Variants in LAMB1 observed in about 807,000 individuals in gnomAD.
LAMB1 encodes the protein laminin subunit beta 1, also known as laminin subunit beta-1.
In LAMB1, 121 loss-of-function variants were observed where a neutral mutation model predicts 222.3. The ratio of observed to expected loss-of-function variants is 0.54; its 90% CI spans 0.47 to 0.63. LAMB1 has a LOEUF of 0.63. LAMB1 is among the 30% of genes least tolerant of loss of function. LAMB1 has a pLI of 0.00. For synonymous variants in LAMB1, 794 were observed against 807.2 expected (o/e 0.98, Z 0.28); for missense variants, 2,172 against 2,240.8 (o/e 0.97, Z 0.62).
intron 10 of LAMB1, 82 bp from the exon 11 acceptor site, chr7:107,975,495 CCTCT>C: frequency 7.3e-7 from 1 of 1,377,240 alleles, no homozygotes; most frequent in Non-Finnish European, 9.7e-7. Context: ...TCCCTTCCTC[CCTCT>C]AAATCTCACA....
intron 32 of LAMB1, 92 bp downstream of exon 32, chr7:107,926,091 G>T (rs2032556835): frequency 2.2e-6 from 2 of 901,524 alleles, no homozygotes; most frequent in Non-Finnish European, 3.5e-6. Flanking sequence ...TTCTGTTTCT[G>T]TTAGGTCCAT....
chr7:107,972,725 A>T lies in LAMB1; in HGVS notation c.1562+267T>A, dbSNP rs570359886. The stretch of plus-strand genomic sequence containing the variant: ...TGTTGCTGGGGATGGGGGAAAAGGT[A>T]CTTTTGTAACTGATAGGAAAATAAA... On this transcript the variant is annotated intron_variant, in intron 13 of 33. Transcript: ENST00000222399. 1.3e-4 allele frequency among the ~76,000 whole-genome samples: 20 copies of T among 152,326 alleles called. No homozygotes were observed. The South Asian group carries it at 4.1e-3, about 32-fold the overall frequency.
At chr7:107,988,168 A>C (rs1347555907) in intron 5 of LAMB1, among the ~76,000 whole-genome samples, 3 of 152,232 alleles carry the variant, frequency 2.0e-5, no homozygotes, top group African/African-American at 7.2e-5. Flanking sequence ...GTGATCAATT[A>C]GATTGTAGTG....
rs2032823219 is a variant in LAMB1 at position 107,935,400 on chromosome 7, A to G, written c.4188+15T>C. 1.9e-6 allele frequency: 3 copies of G among 1,568,056 alleles called. No homozygotes were observed. The highest frequency in any genetic ancestry group is 3.7e-4 in the Middle Eastern group (2 of 5,396). ...CTTGGCACCATAGCAGTAAGGCCAC[A>G]TCCCCAAACCTTACCATTTCGGCAG... is the stretch of plus-strand genomic sequence containing the variant. On this transcript the variant is annotated intron_variant, in intron 27 of 33. Transcript: ENST00000222399.
chr7:107,930,771 AT>A (rs1393990939), intron 29 of LAMB1, among the ~76,000 whole-genome samples: 2 of 152,352 alleles, frequency 1.3e-5, no homozygotes, highest in East Asian at 3.9e-4. Context: ...CAAAGCTGAT[AT>A]GCTTAAGATG....
Position 107,986,030 on chromosome 7 carries a change from C to A in LAMB1, c.668G>T (p.Arg223Met), listed in dbSNP as rs2034070015. Reference protein sequence around the residue: ...AFKIEDPYSPRIQNLLKITNL... With the variant: ...AFKIEDPYSPMIQNLLKITNL... ...TTTGAAAATGAACTTACTCTGTATCCTTGGGCTATAAGGATCTTCTATTTT... is the reference window on the plus strand; with the variant it reads ...TTTGAAAATGAACTTACTCTGTATCATTGGGCTATAAGGATCTTCTATTTT... The change falls in exon 7 of 34, where the codon AGG becomes ATG. Residue 223 changes from arginine (R) to methionine (M), a missense_variant. Coordinates refer to ENST00000222399, the MANE Select transcript of LAMB1 (RefSeq NM_002291.3). The A allele has an allele frequency of 6.2e-7, 1 of 1,606,996 alleles. No homozygotes were observed. Among genetic ancestry groups the A allele is most frequent in the African/African-American group, 1.3e-5 (1 of 74,802 alleles).
Position 107,937,079 on chromosome 7 carries a change from CA to C in LAMB1, c.3946+13del. Reference sequence around the variant, plus strand: ...ATCCATTGTCTGGGACTATTTGCACCAAAAAATGCTCACCCCGAATATCTGA... The same window carrying C: ...ATCCATTGTCTGGGACTATTTGCACCAAAAATGCTCACCCCGAATATCTGA... On this transcript the variant is annotated intron_variant, in intron 26 of 33. Coordinates refer to ENST00000222399, the MANE Select transcript of LAMB1 (RefSeq NM_002291.3). 6.2e-7 allele frequency: 1 copy of C among 1,609,312 alleles called. No individual in the cohort carries two copies. Among genetic ancestry groups the C allele is most frequent in the East Asian group, 2.2e-5 (1 of 44,834 alleles).
chr7:107,951,471 C>T lies in LAMB1; in HGVS notation c.3295-149G>A, dbSNP rs2528649. On this transcript the variant is annotated intron_variant, in intron 23 of 33. Transcript: ENST00000222399. The stretch of plus-strand genomic sequence containing the variant: ...TAGGAAAAGGGACTCCCACTTCAAT[C>T]GTAGGTGTCGAGAGCCCCATGCCAG... 5,076 of 652,254 alleles carry T rather than the reference C, an allele frequency of 7.8e-3. 195 individuals are homozygous for T. The African/African-American group carries it at 0.079, about 10-fold the overall frequency. 40.4% of individuals were successfully genotyped at this position (652,254 alleles called of 1,614,324 possible). A position where few individuals can be genotyped will look rare whatever the true frequency, so the allele number is the denominator to read the frequency against.
chr7:108,001,908 A>T, intron 2 of LAMB1, 175 bp from the exon 3 acceptor site: 4 of 1,463,842 alleles, frequency 2.7e-6, no homozygotes, highest in Non-Finnish European at 3.6e-6. Context: ...CTGGGAAGGC[A>T]GGGACTCCGA....
intron 3 of LAMB1, 106 bp from the exon 4 acceptor site, chr7:107,998,598 T>G (rs1368743964): frequency 1.7e-5 from 15 of 907,506 alleles, no homozygotes; most frequent in Non-Finnish European, 2.3e-5. Flanking sequence ...ACCTATTAGC[T>G]TCAAGAAAAA....
At chr7:107,984,872 T>TA (rs143630923) in intron 7 of LAMB1, among the ~76,000 whole-genome samples, 2,243 of 152,088 alleles carry the variant, frequency 0.015, 53 homozygotes, top group African/African-American at 0.051. Context: ...ATAGTTATGC[T>TA]AAAAAAAAGA....
chr7:108,003,141 G>A lies in LAMB1; in HGVS notation c.-117C>T. The A allele has an allele frequency of 1.6e-6, 1 of 642,372 alleles. No individual in the cohort carries two copies. Among genetic ancestry groups the A allele is most frequent in the East Asian group, 3.1e-5 (1 of 31,762 alleles). 39.8% of individuals were successfully genotyped at this position (642,372 alleles called of 1,614,324 possible). A position where few individuals can be genotyped will look rare whatever the true frequency, so the allele number is the denominator to read the frequency against. The stretch of plus-strand genomic sequence containing the variant: ...GACGCGAGCTCTCGCCCTGCTCCGG[G>A]AGCCCCCGAGCCCAAAGAAGGGAAT... On this transcript the variant is annotated 5_prime_UTR_variant, in exon 1 of 34. Coordinates refer to ENST00000222399, the MANE Select transcript of LAMB1 (RefSeq NM_002291.3).
chr7:107,933,857 A>G (rs574931036), intron 27 of LAMB1, among the ~76,000 whole-genome samples: 1 of 152,218 alleles, frequency 6.6e-6, no homozygotes, highest in East Asian at 1.9e-4. Context: ...GGCCAGAGGA[A>G]CCCCGAACCC....
chr7:107,935,227 A>G (rs553497552), intron 27 of LAMB1, 188 bp downstream of exon 27: 1 of 773,758 alleles, frequency 1.3e-6, no homozygotes, highest in East Asian at 2.6e-5. Context: ...GCTGCTTTTA[A>G]TCTGTCTTGG....
In LAMB1 at chr7:107,961,616, T is replaced by TG; in HGVS notation, c.1917dup (p.Ser640GlnfsTer6). The TG allele has an allele frequency of 6.2e-7, 1 of 1,614,180 alleles. No homozygotes were observed. Among genetic ancestry groups the TG allele is most frequent in the Non-Finnish European group, 8.5e-7 (1 of 1,180,008 alleles). ...GGGATGGTATTACCACATCGGCTGC[T>TG]GGTTGGAATCCTTCCAGGTCGCTGC... On this transcript the variant is annotated frameshift_variant, in exon 16 of 34. Coordinates refer to ENST00000222399, the MANE Select transcript of LAMB1 (RefSeq NM_002291.3). LOFTEE classifies it high-confidence loss of function.
In LAMB1 at chr7:107,955,551, C is replaced by T. The variant is rs377141998; in HGVS notation, c.2770G>A (p.Asp924Asn). The change falls in exon 21 of 34, where the codon GAC (aspartate) becomes AAC (asparagine). Residue 924 changes from aspartate to asparagine, a missense_variant. Physicochemically the swap from Asp to Asn is conservative, Grantham distance 23 (BLOSUM62 1). Coordinates refer to ENST00000222399, the MANE Select transcript of LAMB1 (RefSeq NM_002291.3). ...CRPCPCPDGP[D>N]SGRQFARSCY... Reference sequence around the variant, plus strand: ...CTCCTGGCAAACTGGCGTCCACTGTCGGGACCATCTGGGCAAGGGCAAGGG... The same window carrying T: ...CTCCTGGCAAACTGGCGTCCACTGTTGGGACCATCTGGGCAAGGGCAAGGG... 5.6e-6 allele frequency: 9 copies of T among 1,614,062 alleles called. No homozygotes were observed. The highest frequency in any genetic ancestry group is 1.6e-4 in the Middle Eastern group (1 of 6,062).
chr7:107,998,762 CA>C (rs1184457886), intron 3 of LAMB1, among the ~76,000 whole-genome samples: 2 of 152,124 alleles, frequency 1.3e-5, no homozygotes, highest in African/African-American at 4.8e-5. Flanking sequence ...TTAATTTAAC[CA>C]AAATCAAATT....
intron 24 of LAMB1, 106 bp from the exon 25 acceptor site, chr7:107,940,464 A>G (rs560964332): frequency 1.6e-5 from 19 of 1,208,772 alleles, no homozygotes; most frequent in Admixed American, 4.6e-5. Flanking sequence ...GAAGGTGTCA[A>G]CCATCGACAA....
intron 24 of LAMB1, among the ~76,000 whole-genome samples, chr7:107,944,680 C>A (rs1448804436): frequency 1.3e-5 from 2 of 150,840 alleles, no homozygotes; most frequent in African/African-American, 4.8e-5. Context: ...ACCAGAAGGC[C>A]CACATTTTAC....
Sources: gnomAD v4.1 joint callset for allele counts (sites outside exome capture counted in the v4.1 genomes callset) on GRCh38, gnomAD v4.1.1 for gene constraint, MANE v1.5 for transcripts, NCBI Gene and HGNC (gene_info 2026-07-23, HGNC 2026-07-21) for gene names.